The following CNGB3 variants were observed in gnomAD, a reference collection of about 807,000 sequenced individuals.
CNGB3 encodes the protein cyclic nucleotide-gated channel beta-3.
A neutral mutation model predicts 92.8 loss-of-function variants in CNGB3; 86 were observed. The ratio of observed to expected loss-of-function variants is 0.93; its 90% CI spans 0.78 to 1.11. CNGB3 has a LOEUF of 1.11. Ranked by LOEUF, CNGB3 falls within the 50% of genes least tolerant of loss-of-function variation. CNGB3 has a pLI of 0.00. For synonymous variants in CNGB3, 333 were observed against 332.7 expected (o/e 1.00, Z -0.01); for missense variants, 1,026 against 956.8 (o/e 1.07, Z -0.95).
chr8:86,626,304 T>A (rs1822847417), intron 12 of CNGB3, among the ~76,000 whole-genome samples: 2 of 152,202 alleles, frequency 1.3e-5, no homozygotes, highest in Admixed American at 1.3e-4. Context: ...TTTTTAACCC[T>A]GGATGACATA....
intron 10 of CNGB3, 36 bp downstream of exon 10, chr8:86,643,714 AT>A: frequency 1.3e-6 from 2 of 1,596,674 alleles, no homozygotes. Context: ...AATGTTAAAA[AT>A]AATCAATAAA....
chr8:86,694,471 C>A (rs1321281328), intron 3 of CNGB3, among the ~76,000 whole-genome samples: 9 of 151,512 alleles, frequency 5.9e-5, no homozygotes, highest in Admixed American at 5.2e-4. Context: ...GACGGGGTGG[C>A]TGCCGGACGG....
intron 15 of CNGB3, among the ~76,000 whole-genome samples, chr8:86,590,378 C>T (rs1822001128): frequency 6.6e-6 from 1 of 152,000 alleles, no homozygotes; most frequent in Non-Finnish European, 1.5e-5. Flanking sequence ...TTGATCCTGT[C>T]ATTATGATGT....
chr8:86,720,002 T>G (rs954626045), intron 3 of CNGB3, among the ~76,000 whole-genome samples: 1 of 152,122 alleles, frequency 6.6e-6, no homozygotes, highest in African/African-American at 2.4e-5. Context: ...CAACTCAAGA[T>G]GGATCAAAGA....
At chr8:86,609,698 T>A (rs1320896232) in intron 14 of CNGB3, among the ~76,000 whole-genome samples, 1 of 152,194 alleles carries the variant, frequency 6.6e-6, no homozygotes, top group African/African-American at 2.4e-5. Flanking sequence ...CCTGATGCCT[T>A]GAAGTACCTC....
intron 15 of CNGB3, among the ~76,000 whole-genome samples, chr8:86,589,183 T>C (rs1585951315): frequency 6.7e-6 from 1 of 149,780 alleles, no homozygotes; most frequent in East Asian, 2.0e-4. Flanking sequence ...TCGGTGGTGA[T>C]ATCCCCTTTA....
chr8:86,593,620 A>G (rs1344059857), intron 15 of CNGB3: 12 of 446,856 alleles, frequency 2.7e-5, no homozygotes, highest in Non-Finnish European at 5.0e-5. Flanking sequence ...GGTGGTGGCT[A>G]TAAGGGGCGA....
intron 6 of CNGB3, chr8:86,658,072 GC>G (rs2131606477): frequency 1.9e-6 from 1 of 528,812 alleles, no homozygotes. Flanking sequence ...CTTCTCCATG[GC>G]CCCCTGCAGG....
rs114190177 is a variant in CNGB3, at chr8:86,689,343, T to G, written c.339-18245A>C. ...CCAATGTTTCTTTGTTGATTTTCTG[T>G]CTGGAAGATATATCCAATGCTGAAA... On this transcript the variant is annotated intron_variant, in intron 3 of 17. Transcript: ENST00000320005. Among the ~76,000 whole-genome samples the G allele has an allele frequency of 8.7e-3, 1,320 of 151,992 alleles. 24 individuals are homozygous for G. Among genetic ancestry groups the G allele is most frequent in the African/African-American group, 0.03 (1,260 of 41,492 alleles).
At chr8:86,670,227 G>T (rs2131618119) in intron 4 of CNGB3, among the ~76,000 whole-genome samples, 1 of 152,250 alleles carries the variant, frequency 6.6e-6, no homozygotes, top group East Asian at 1.9e-4. Context: ...TTGGTTTGTT[G>T]ATGTCCTTTG....
chr8:86,691,748 T>C (rs1730261600), intron 3 of CNGB3, among the ~76,000 whole-genome samples: 1 of 152,208 alleles, frequency 6.6e-6, no homozygotes, highest in African/African-American at 2.4e-5. Context: ...ACTTTGGTTA[T>C]TTCTTTTCTT....
At chr8:86,645,859 G>T (rs1193862783) in intron 8 of CNGB3, among the ~76,000 whole-genome samples, 1 of 150,988 alleles carries the variant, frequency 6.6e-6, no homozygotes, top group Non-Finnish European at 1.5e-5. Context: ...ATATTCATTT[G>T]TTTTCTCATT....
At position 86,574,356 on chromosome 8, in the gene CNGB3, T is replaced by C. The variant is rs563975295; in HGVS notation, c.*1448A>G. ...CACCCTTTTTATACGCAATTCACTCTTTCTGCATACAAACTCCCATTTATC... is the reference window on the plus strand; with the variant it reads ...CACCCTTTTTATACGCAATTCACTCCTTCTGCATACAAACTCCCATTTATC... On this transcript the variant is annotated 3_prime_UTR_variant, in exon 18 of 18. Transcript: ENST00000320005. 1 of 152,316 alleles carries C rather than the reference T, an allele frequency of 6.6e-6. No individual in the cohort carries two copies. Among genetic ancestry groups the C allele is most frequent in the East Asian group, 1.9e-4 (1 of 5,186 alleles). 9.4% of individuals were successfully genotyped at this position (152,316 alleles called of 1,614,324 possible).
At chr8:86,635,176 A>T (rs1823038426) in intron 10 of CNGB3, among the ~76,000 whole-genome samples, 1 of 152,232 alleles carries the variant, frequency 6.6e-6, no homozygotes, top group African/African-American at 2.4e-5. Flanking sequence ...TATGGATTGC[A>T]TTTTAACTTT....
chr8:86,671,233 C>A lies in CNGB3; in HGVS notation c.339-135G>T, dbSNP rs2131619251. The A allele has an allele frequency of 3.2e-6, 3 of 947,136 alleles. No individual in the cohort carries two copies. In the East Asian group the frequency reaches 7.3e-5, roughly 23 times the overall value. 58.7% of individuals were successfully genotyped at this position (947,136 alleles called of 1,614,324 possible). Reference sequence around the variant, plus strand: ...TTTTTTGCAATTGAATAGCACAATTCAAACATTAGGTTTAATGGAAATAGT... The same window carrying A: ...TTTTTTGCAATTGAATAGCACAATTAAAACATTAGGTTTAATGGAAATAGT... On this transcript the variant is annotated intron_variant, in intron 3 of 17. Coordinates refer to ENST00000320005, the MANE Select transcript of CNGB3 (RefSeq NM_019098.5).
chr8:86,678,333 G>A (rs1824014378), intron 3 of CNGB3, among the ~76,000 whole-genome samples: 1 of 152,086 alleles, frequency 6.6e-6, no homozygotes. Context: ...AGGCAAATTT[G>A]GGAAAGTATA....
rs1441466497 is a variant in CNGB3, at chr8:86,574,974, C to G, written c.*830G>C. On this transcript the variant is annotated 3_prime_UTR_variant, in exon 18 of 18. Coordinates refer to ENST00000320005, the MANE Select transcript of CNGB3 (RefSeq NM_019098.5). ...TAAACAAGAAGTTCCAATCTGATAT[C>G]TTTTCCAGCAAGTGCTTGAGGAAGA... is the stretch of plus-strand genomic sequence containing the variant. 2 of 152,158 alleles carry G rather than the reference C, an allele frequency of 1.3e-5. No homozygotes were observed. The highest frequency in any genetic ancestry group is 4.8e-5 in the African/African-American group (2 of 41,442). The allele number at this position is 152,158 out of a possible 1,614,324, so 9.4% of individuals were successfully genotyped here. A position where few individuals can be genotyped will look rare whatever the true frequency, so the allele number is the denominator to read the frequency against.
chr8:86,708,778 C>T (rs970077279), intron 3 of CNGB3, among the ~76,000 whole-genome samples: 2 of 151,732 alleles, frequency 1.3e-5, no homozygotes, highest in Non-Finnish European at 2.9e-5. Context: ...GCTCTGTTGC[C>T]CAGGCTAGTC....
chr8:86,690,560 T>G (rs1324849105), intron 3 of CNGB3, among the ~76,000 whole-genome samples: 1 of 152,242 alleles, frequency 6.6e-6, no homozygotes, highest in East Asian at 1.9e-4. Context: ...CTCTTTAGTT[T>G]ACTTAGATCC....
Sources: allele counts gnomAD v4.1 joint callset (sites outside exome capture counted in the v4.1 genomes callset), GRCh38; gene constraint gnomAD v4.1.1; transcripts MANE v1.5; gene names NCBI Gene and HGNC (gene_info 2026-07-23, HGNC 2026-07-21).